Variants in AKNA observed in about 807,000 individuals in gnomAD.
AKNA encodes the protein AT-hook transcription factor, also known as microtubule organization protein AKNA.
AKNA carries 67 observed loss-of-function variants against 138.8 expected under a neutral mutation model. The ratio of observed to expected loss-of-function variants is 0.48; its 90% confidence interval spans 0.40 to 0.59. The LOEUF is 0.59. Among genes scored for constraint, AKNA ranks in the 20% least tolerant of loss-of-function variants. AKNA has a pLI of 0.00. For synonymous variants in AKNA, 737 were observed against 754.4 expected, an observed-to-expected ratio of 0.98 and a Z score of 0.38; for missense variants, 1,813 against 1,880.4, an observed-to-expected ratio of 0.96 and a Z score of 0.66.
At chr9:114,354,510 G>A (rs1588967318) in intron 14 of AKNA, among the ~76,000 whole-genome samples, 1 of 152,112 alleles carries the variant, frequency 6.6e-6, no homozygotes, top group Admixed American at 6.5e-5. Context: ...TCAGGAGATC[G>A]AGACCATCTT....
rs16928440 is a variant in AKNA at position 114,358,104 on chromosome 9, G to A, written c.2556C>T (p.Asp852=). ...PPGFQASLAR[D]GHMSGLGKAE... ...CCTTGCCCAGGCCTGACATGTGCCCGTCTCTAGCCAGGGATGCCTGGAAAC... is the reference window on the plus strand; with the variant it reads ...CCTTGCCCAGGCCTGACATGTGCCCATCTCTAGCCAGGGATGCCTGGAAAC... Residue 852 remains aspartate, a synonymous_variant, in exon 12 of 22, where the codon GAC becomes GAT. Coordinates refer to ENST00000374088, the MANE Select transcript of AKNA (RefSeq NM_001317950.2). The A allele has an allele frequency of 8.9e-5, 144 of 1,614,086 alleles. No individual in the cohort carries two copies. The highest frequency in any genetic ancestry group is 5.3e-4 in the East Asian group (24 of 44,892).
intron 4 of AKNA, among the ~76,000 whole-genome samples, chr9:114,371,126 C>A (rs748340582): frequency 6.6e-6 from 1 of 152,198 alleles, no homozygotes; most frequent in Admixed American, 6.5e-5. Context: ...CCAGTCCTGG[C>A]TCCCTGCCCC....
Position 114,350,971 on chromosome 9 carries a change from G to A in AKNA, c.3109C>T (p.Leu1037Phe). The change falls in exon 15 of 22, where the codon CTT becomes TTT. Residue 1037 changes from leucine (L) to phenylalanine (F), a missense_variant. By Grantham distance (22) the Leu-to-Phe change is conservative. Coordinates refer to ENST00000374088, the MANE Select transcript of AKNA (RefSeq NM_001317950.2). Reference sequence around the variant, plus strand: ...GGTGGGCTGATTGTCTTGTTGGGAAGGGGCTGTTCAGAAATCCGTTTGTGC... The same window carrying A: ...GGTGGGCTGATTGTCTTGTTGGGAAAGGGCTGTTCAGAAATCCGTTTGTGC... ...EGHKRISEQP[L>F]PNKTISPPPA... 2 of 1,613,618 alleles carry A rather than the reference G, an allele frequency of 1.2e-6. No individual in the cohort carries two copies. Among genetic ancestry groups the A allele is most frequent in the Non-Finnish European group, 1.7e-6 (2 of 1,179,908 alleles).
chr9:114,378,209 A>G (rs1833384594), intron 2 of AKNA, among the ~76,000 whole-genome samples: 4 of 152,058 alleles, frequency 2.6e-5, no homozygotes, highest in Admixed American at 2.6e-4. Flanking sequence ...GGGGCTACGC[A>G]TGTGCGCATC....
intron 14 of AKNA, among the ~76,000 whole-genome samples, chr9:114,354,529 C>G (rs1002430202): frequency 9.2e-5 from 14 of 151,910 alleles, no homozygotes; most frequent in Admixed American, 6.6e-4. Flanking sequence ...TTGGCTAACA[C>G]GGTGAAACCC....
intron 6 of AKNA, among the ~76,000 whole-genome samples, chr9:114,365,794 G>A (rs939298799): frequency 1.3e-5 from 2 of 152,098 alleles, no homozygotes; most frequent in African/African-American, 2.4e-5. Flanking sequence ...CCCACAGCAC[G>A]TCTCAATTCA....
chr9:114,350,756 T>C, intron 15 of AKNA, 103 bp downstream of exon 15: 1 of 1,328,232 alleles, frequency 7.5e-7, no homozygotes, highest in Non-Finnish European at 1.0e-6. Context: ...CACCACCATC[T>C]GTGTGAGCTG....
chr9:114,386,822 A>T (rs1402727323), intron 1 of AKNA, among the ~76,000 whole-genome samples: 1 of 151,848 alleles, frequency 6.6e-6, no homozygotes, highest in Non-Finnish European at 1.5e-5. Flanking sequence ...CCTTCCCTTT[A>T]TGGCTCAATC....
At chr9:114,340,138 T>A (rs1000023709) in intron 21 of AKNA, among the ~76,000 whole-genome samples, 1 of 152,114 alleles carries the variant, frequency 6.6e-6, no homozygotes, top group Non-Finnish European at 1.5e-5. Context: ...AAAGCACATT[T>A]ATAGGCCTGG....
intron 15 of AKNA, among the ~76,000 whole-genome samples, chr9:114,349,681 G>A (rs1376463677): frequency 2.0e-5 from 3 of 152,178 alleles, no homozygotes; most frequent in Non-Finnish European, 4.4e-5. Flanking sequence ...TGCAGTGAAT[G>A]TCTCCCCTTA....
chr9:114,382,057 C>G (rs1190868287), intron 1 of AKNA, among the ~76,000 whole-genome samples: 1 of 152,208 alleles, frequency 6.6e-6, no homozygotes, highest in African/African-American at 2.4e-5. Flanking sequence ...TGCGTACTGG[C>G]TCTTCGTGTG....
Position 114,335,417 on chromosome 9 carries a change from C to G in AKNA, c.*1637G>C, listed in dbSNP as rs1225614920. On this transcript the variant is annotated 3_prime_UTR_variant, in exon 22 of 22. Transcript: ENST00000374088. ...TGTGTGAAGCAGACAATGCCCAGTG[C>G]TTAGCACCGGAATCAGGGTCTAGCA... 6.6e-6 allele frequency: 1 copy of G among 152,236 alleles called. No individual in the cohort carries two copies. Among genetic ancestry groups the G allele is most frequent in the Non-Finnish European group, 1.5e-5 (1 of 68,082 alleles). 9.4% of individuals were successfully genotyped at this position (152,236 alleles called of 1,614,324 possible). A position where few individuals can be genotyped will look rare whatever the true frequency, so the allele number is the denominator to read the frequency against.
Position 114,362,667 on chromosome 9 carries a change from G to A in AKNA, c.1789-134C>T. 5 of 1,249,506 alleles carry A rather than the reference G, an allele frequency of 4.0e-6. No individual in the cohort carries two copies. The South Asian group carries it at 8.5e-5, about 21-fold the overall frequency. 77.4% of individuals were successfully genotyped at this position (1,249,506 alleles called of 1,614,324 possible). On this transcript the variant is annotated intron_variant, in intron 7 of 21. Coordinates refer to ENST00000374088, the MANE Select transcript of AKNA (RefSeq NM_001317950.2). The stretch of plus-strand genomic sequence containing the variant: ...GCCCCTGGGTTCATGCAAGATACAG[G>A]CTGAGGTTGAGATCTCTGGAGGCTG...
chr9:114,360,052 G>T lies in AKNA; in HGVS notation c.2135C>A (p.Thr712Asn). The T allele has an allele frequency of 6.2e-7, 1 of 1,614,182 alleles. No homozygotes were observed. Among genetic ancestry groups the T allele is most frequent in the Non-Finnish European group, 8.5e-7 (1 of 1,180,036 alleles). ...GGGGCCAGTGCTGGCGGCGGCAGTG[G>T]TGGTAGCAGGCTGGGGTCAGAAAGA... ...IKTSCPEPAT[T>N]TAAASTGPCP... The change falls in exon 10 of 22, where the codon ACC (threonine) becomes AAC (asparagine). Residue 712 changes from threonine to asparagine, a missense_variant. Physicochemically the swap from Thr to Asn is moderately conservative, Grantham distance 65. Coordinates refer to ENST00000374088, the MANE Select transcript of AKNA (RefSeq NM_001317950.2).
chr9:114,346,541 T>G lies in AKNA; in HGVS notation c.3514+128A>C, dbSNP rs57967306. The G allele has an allele frequency of 0.019, 13,428 of 688,960 alleles. 1,420 individuals are homozygous for G. In the African/African-American group the frequency reaches 0.22, roughly 11 times the overall value. The allele number at this position is 688,960 out of a possible 1,614,324, so 42.7% of individuals were successfully genotyped here. On this transcript the variant is annotated intron_variant, in intron 17 of 21. Coordinates refer to ENST00000374088, the MANE Select transcript of AKNA (RefSeq NM_001317950.2). ...CTCTGTGCTTCACAGCACTATAATA[T>G]CCTAAAACAGATGCACAAAAACCCT...
chr9:114,344,415 T>C (rs1262585177), intron 18 of AKNA: 3 of 153,106 alleles, frequency 2.0e-5, no homozygotes, highest in African/African-American at 7.2e-5. Flanking sequence ...GGGCGGACTG[T>C]GGCCTCCTCA....
At chr9:114,354,712 CAAAAAAAAA>C (rs1214629422) in intron 14 of AKNA, among the ~76,000 whole-genome samples, 1 of 66,276 alleles carries the variant, frequency 1.5e-5, no homozygotes, top group African/African-American at 4.1e-5. Context: ...GACTCTGTCT[CAAAAAAAAA>C]AAAAAAAAAT....
intron 16 of AKNA, among the ~76,000 whole-genome samples, chr9:114,347,512 C>A (rs1401899454): frequency 6.6e-6 from 1 of 152,228 alleles, no homozygotes; most frequent in Non-Finnish European, 1.5e-5. Flanking sequence ...CCACTGCGCC[C>A]GGCCTATTCT....
chr9:114,357,824 G>A (rs1236677957), intron 12 of AKNA, 97 bp downstream of exon 12: 4 of 1,535,070 alleles, frequency 2.6e-6, no homozygotes, highest in Non-Finnish European at 3.5e-6. Flanking sequence ...AGTATTCCAA[G>A]AAGGAATAGC....
Sources: gnomAD v4.1 joint callset for allele counts (sites outside exome capture counted in the v4.1 genomes callset) on GRCh38, gnomAD v4.1.1 for gene constraint, MANE v1.5 for transcripts, NCBI Gene and HGNC (gene_info 2026-07-23, HGNC 2026-07-21) for gene names.